The following ESRRG variants were observed in gnomAD, a reference collection of about 807,000 sequenced individuals.
ESRRG encodes estrogen-related receptor gamma.
Under a neutral mutation model 44.0 loss-of-function variants are expected in ESRRG, and 13 were observed. The observed-to-expected ratio is 0.30, with a 90% CI of 0.19 to 0.47. The LOEUF (loss-of-function observed/expected upper bound fraction) is 0.47, where lower values mean the gene tolerates loss of function less well. Among genes scored for constraint, ESRRG ranks in the 20% least tolerant of loss-of-function variants. The probability of loss-of-function intolerance (pLI) is 1.00; values close to 1 mark genes in which losing one functional copy is unlikely to be tolerated. For synonymous variants in ESRRG, 215 were observed against 214.6 expected (o/e 1.00, Z -0.02); for missense variants, 395 against 580.6 (o/e 0.68, Z 3.29).
At chr1:216,845,583 C>T (rs1178449173) in intron 2 of ESRRG, among the ~76,000 whole-genome samples, 3 of 152,014 alleles carry the variant, frequency 2.0e-5, no homozygotes, top group Admixed American at 6.6e-5. Flanking sequence ...TGTTCTGTGC[C>T]CTTTCCTGGC....
chr1:216,520,868 T>C (rs2148941032), intron 5 of ESRRG, among the ~76,000 whole-genome samples: 1 of 152,336 alleles, frequency 6.6e-6, no homozygotes, highest in Non-Finnish European at 1.5e-5. Flanking sequence ...ATGGTCACTG[T>C]TGCTGTCCTT....
chr1:216,537,404 C>T (rs372525770), intron 5 of ESRRG, among the ~76,000 whole-genome samples: 18 of 152,056 alleles, frequency 1.2e-4, no homozygotes, highest in Middle Eastern at 3.4e-3. Context: ...GTATTTTTGT[C>T]GTAACAGCCC....
chr1:217,129,372 T>A (rs933347585), intron 1 of ESRRG, among the ~76,000 whole-genome samples: 1 of 152,246 alleles, frequency 6.6e-6, no homozygotes, highest in African/African-American at 2.4e-5. Context: ...AAATCCCACA[T>A]ACATTTTTAA....
At chr1:217,003,232 A>G (rs937364443) in intron 1 of ESRRG, among the ~76,000 whole-genome samples, 3 of 152,274 alleles carry the variant, frequency 2.0e-5, no homozygotes, top group African/African-American at 7.2e-5. Flanking sequence ...TGGAGAAAGC[A>G]TGGACTTTGA....
intron 2 of ESRRG, among the ~76,000 whole-genome samples, chr1:216,765,046 G>A (rs763067186): frequency 9.9e-5 from 15 of 152,044 alleles, no homozygotes; most frequent in Non-Finnish European, 1.8e-4. Flanking sequence ...TAAATATCTT[G>A]TTCTTACTCT....
At chr1:217,048,483 C>T (rs944060431) in intron 1 of ESRRG, among the ~76,000 whole-genome samples, 1 of 152,114 alleles carries the variant, frequency 6.6e-6, no homozygotes, top group Non-Finnish European at 1.5e-5. Flanking sequence ...GGCTGCATGA[C>T]CAGGCCAACA....
intron 6 of ESRRG, among the ~76,000 whole-genome samples, chr1:216,513,548 T>C (rs2043334031): frequency 6.6e-6 from 1 of 152,128 alleles, no homozygotes; most frequent in African/African-American, 2.4e-5. Flanking sequence ...AAAAAGCTAG[T>C]TTTCTTTGAC....
chr1:216,567,951 C>T (rs1195418478), intron 4 of ESRRG, 37 bp downstream of exon 4: 3 of 1,375,312 alleles, frequency 2.2e-6, no homozygotes, highest in Non-Finnish European at 2.1e-6. Context: ...GGGAGGATTT[C>T]GTGTTCTGGG....
chr1:216,730,096 T>C (rs910223732), intron 2 of ESRRG, among the ~76,000 whole-genome samples: 1 of 151,974 alleles, frequency 6.6e-6, no homozygotes, highest in Non-Finnish European at 1.5e-5. Context: ...AAAGATTACA[T>C]TTCTCCCCTT....
intron 2 of ESRRG, among the ~76,000 whole-genome samples, chr1:216,787,489 G>C (rs577312754): frequency 6.6e-6 from 1 of 151,074 alleles, no homozygotes; most frequent in Non-Finnish European, 1.5e-5. Context: ...TGTAGTCCCA[G>C]CTACTTGGGA....
chr1:216,761,296 T>G (rs922510288), intron 2 of ESRRG, among the ~76,000 whole-genome samples: 5 of 152,076 alleles, frequency 3.3e-5, no homozygotes, highest in African/African-American at 1.2e-4. Context: ...CTGAGTAAAA[T>G]GATTATTTCC....
chr1:217,025,873 T>A (rs1422550734), intron 1 of ESRRG, among the ~76,000 whole-genome samples: 2 of 152,206 alleles, frequency 1.3e-5, no homozygotes, highest in Non-Finnish European at 2.9e-5. Context: ...TTAATTTCCA[T>A]AGTCCTGGTA....
chr1:216,966,141 C>G (rs2070307984), intron 1 of ESRRG, among the ~76,000 whole-genome samples: 1 of 152,076 alleles, frequency 6.6e-6, no homozygotes, highest in Non-Finnish European at 1.5e-5. Context: ...TTCATGGTAC[C>G]TGGGTCTCCA....
chr1:216,933,724 A>C (rs2149850584), intron 2 of ESRRG, among the ~76,000 whole-genome samples: 1 of 152,370 alleles, frequency 6.6e-6, no homozygotes, highest in South Asian at 2.1e-4. Flanking sequence ...TAAGAAAATT[A>C]AATTATAACT....
chr1:216,519,449 T>C lies in ESRRG; in HGVS notation c.863-28A>G, dbSNP rs748411007. On this transcript the variant is annotated intron_variant, in intron 5 of 6. Coordinates refer to ENST00000408911, the MANE Select transcript of ESRRG (RefSeq NM_001438.4). ...GCATGGAAAGATGGGCAGATCAAGT[T>C]ACTTTAAAGCCATAATTTCATAATG... The C allele has an allele frequency of 7.0e-6, 11 of 1,582,406 alleles. No individual in the cohort carries two copies. The South Asian group carries it at 1.2e-4, about 17-fold the overall frequency.
intron 2 of ESRRG, among the ~76,000 whole-genome samples, chr1:216,824,375 G>C (rs944458607): frequency 6.6e-6 from 1 of 152,176 alleles, no homozygotes; most frequent in African/African-American, 2.4e-5. Flanking sequence ...GAACAGGGGA[G>C]GGGGAGGTTG....
chr1:217,089,866 C>T (rs1045508079), upstream of ESRRG, among the ~76,000 whole-genome samples: 5 of 152,178 alleles, frequency 3.3e-5, no homozygotes, highest in Non-Finnish European at 5.9e-5. Context: ...TTGGTAGCGT[C>T]GGTCCGCACT....
Position 216,816,885 on chromosome 1 carries a change from C to T in ESRRG, c.-14+122697G>A, listed in dbSNP as rs77147785. ...TTCAAACAATGTGGGGCATCTATCA[C>T]GGTTTCATTATCCTACTCAAGGTTT... On this transcript the variant is annotated intron_variant, in intron 2 of 7. Coordinates refer to the ESRRG transcript ENST00000359162. Among the ~76,000 whole-genome samples the T allele has an allele frequency of 3.9e-5, 6 of 152,122 alleles. No homozygotes were observed. The East Asian group carries it at 7.7e-4, about 20-fold the overall frequency.
chr1:216,863,092 T>A (rs1272626074), intron 2 of ESRRG: 1 of 152,160 alleles, frequency 6.6e-6, no homozygotes, highest in African/African-American at 2.4e-5. Flanking sequence ...TTGATACCCA[T>A]CAGAATTGCC....
Sources: allele counts gnomAD v4.1 joint callset (sites outside exome capture counted in the v4.1 genomes callset), GRCh38; gene constraint gnomAD v4.1.1; transcripts MANE v1.5; gene names NCBI Gene and HGNC (gene_info 2026-07-23, HGNC 2026-07-21).